Variants in ARFGEF3 observed in about 807,000 individuals in gnomAD.
ARFGEF3 encodes the protein ARFGEF family member 3.
A neutral mutation model predicts 221.7 loss-of-function variants in ARFGEF3; 96 were observed. That is an observed-to-expected ratio of 0.43 (90% CI 0.37 to 0.51). ARFGEF3 has a LOEUF of 0.51. Among genes scored for constraint, ARFGEF3 ranks in the 20% least tolerant of loss-of-function variants. The probability of loss-of-function intolerance (pLI) is 0.00; values close to 1 mark genes in which losing one functional copy is unlikely to be tolerated. For synonymous variants in ARFGEF3, 1,145 were observed against 1,126.8 expected (o/e 1.02, Z -0.32); for missense variants, 2,410 against 2,789.9 (o/e 0.86, Z 3.07).
chr6:138,166,460 A>G (rs1049528873), intron 1 of ARFGEF3, among the ~76,000 whole-genome samples: 1 of 152,172 alleles, frequency 6.6e-6, no homozygotes, highest in Non-Finnish European at 1.5e-5. Flanking sequence ...CTACTTTGTC[A>G]TGACACTTCT....
chr6:138,258,200 A>T (rs1205436707), intron 10 of ARFGEF3, among the ~76,000 whole-genome samples: 4 of 152,136 alleles, frequency 2.6e-5, no homozygotes, highest in Non-Finnish European at 4.4e-5. Flanking sequence ...CCTTCATCCC[A>T]TGTGACTGAT....
At chr6:138,309,434 A>T (rs1470295492) in intron 24 of ARFGEF3, among the ~76,000 whole-genome samples, 1 of 152,206 alleles carries the variant, frequency 6.6e-6, no homozygotes, top group Non-Finnish European at 1.5e-5. Context: ...CTTAGAAAAT[A>T]TATTTTATAA....
At chr6:138,303,881 AAAAAAAAG>A (rs1187492670) in intron 22 of ARFGEF3, among the ~76,000 whole-genome samples, 3 of 148,816 alleles carry the variant, frequency 2.0e-5, no homozygotes, top group East Asian at 1.9e-4. Context: ...AAAAAAAAAA[AAAAAAAAG>A]ATAATAGCAA....
intron 4 of ARFGEF3, among the ~76,000 whole-genome samples, chr6:138,221,699 C>T (rs1304997245): frequency 6.6e-6 from 1 of 152,102 alleles, no homozygotes; most frequent in East Asian, 1.9e-4. Context: ...ATCACTGTTA[C>T]AGTATTTCCT....
At position 138,289,867 on chromosome 6, in the gene ARFGEF3, G is replaced by A. The variant is rs1041912606; in HGVS notation, c.2946G>A (p.Gly982=). The stretch of plus-strand genomic sequence containing the variant: ...TGGAGCAGATTGGGAAGGTGCAGGG[G>A]GTGTGGCTGCACACTGCCCACGTCT... ...QKLEQIGKVQ[G]VWLHTAHVLC... The change falls in exon 18 of 34, where the codon GGG becomes GGA. Residue 982 remains glycine, a synonymous_variant. Coordinates refer to ENST00000251691, the MANE Select transcript of ARFGEF3 (RefSeq NM_020340.5). 6 of 1,613,770 alleles carry A rather than the reference G, an allele frequency of 3.7e-6. No homozygotes were observed. Among genetic ancestry groups the A allele is most frequent in the Non-Finnish European group, 4.2e-6 (5 of 1,179,772 alleles).
intron 2 of ARFGEF3, among the ~76,000 whole-genome samples, chr6:138,176,992 T>C (rs958190798): frequency 1.3e-5 from 2 of 152,066 alleles, no homozygotes; most frequent in South Asian, 4.1e-4. Context: ...GTTAGTCTAA[T>C]GGGGTTTTCT....
intron 29 of ARFGEF3, 107 bp from the exon 30 acceptor site, chr6:138,323,564 T>C: frequency 2.1e-6 from 2 of 934,910 alleles, no homozygotes; most frequent in Non-Finnish European, 3.3e-6. Flanking sequence ...TGAGCCAAGA[T>C]CATGCCAGTG....
chr6:138,229,123 A>C (rs1240174119), intron 4 of ARFGEF3, among the ~76,000 whole-genome samples: 3 of 152,256 alleles, frequency 2.0e-5, no homozygotes, highest in Non-Finnish European at 4.4e-5. Flanking sequence ...ACACCATGTA[A>C]CATTCTGGAG....
intron 2 of ARFGEF3, among the ~76,000 whole-genome samples, chr6:138,188,114 C>T (rs754513335): frequency 7.2e-5 from 11 of 152,144 alleles, no homozygotes; most frequent in Non-Finnish European, 1.3e-4. Flanking sequence ...CTTTATCAGC[C>T]TCCAGGATCC....
chr6:138,298,207 CCTCA>C (rs1473151530), intron 21 of ARFGEF3, among the ~76,000 whole-genome samples: 1 of 152,118 alleles, frequency 6.6e-6, no homozygotes, highest in African/African-American at 2.4e-5. Flanking sequence ...TTGTCCCTCA[CCTCA>C]CTGAGGGACA....
chr6:138,298,926 G>A lies in ARFGEF3; in HGVS notation c.3828+141G>A, dbSNP rs577174960. 27 of 691,070 alleles carry A rather than the reference G, an allele frequency of 3.9e-5. No individual in the cohort carries two copies. The Middle Eastern group carries it at 1.7e-3, about 43-fold the overall frequency. 42.8% of individuals were successfully genotyped at this position (691,070 alleles called of 1,614,324 possible). A position where few individuals can be genotyped will look rare whatever the true frequency, so the allele number is the denominator to read the frequency against. The stretch of plus-strand genomic sequence containing the variant: ...ACGGAGAAGTTAAGCAGGGCTGGGC[G>A]TGGTGGCTCACACCTGTAATCCCAG... On this transcript the variant is annotated intron_variant, in intron 22 of 33. Transcript: ENST00000251691.
rs572276589 is a variant in ARFGEF3, at chr6:138,182,820, GA to G, written c.137+12108del. 2.1e-4 allele frequency among the ~76,000 whole-genome samples: 32 copies of G among 152,280 alleles called. No individual in the cohort carries two copies. The East Asian group carries it at 5.0e-3, about 24-fold the overall frequency. On this transcript the variant is annotated intron_variant, in intron 2 of 33. Transcript: ENST00000251691. ...GTGAGCAAAACTGAAGAATTACTGA[GA>G]GAAGATTTAGGATAGGGCTCATTTT...
intron 8 of ARFGEF3, among the ~76,000 whole-genome samples, chr6:138,253,530 C>G (rs1236161783): frequency 6.6e-6 from 1 of 152,272 alleles, no homozygotes; most frequent in South Asian, 2.1e-4. Context: ...GTCTTCTCCC[C>G]GTGTCTCTTC....
Position 138,263,183 on chromosome 6 carries a change from A to G in ARFGEF3, c.1700A>G (p.His567Arg). 5 of 1,614,048 alleles carry G rather than the reference A, an allele frequency of 3.1e-6. No homozygotes were observed. Among genetic ancestry groups the G allele is most frequent in the Non-Finnish European group, 4.2e-6 (5 of 1,179,904 alleles). Reference sequence around the variant, plus strand: ...CAGCCAGATGTCGTGCAGAGAAGCCACACGGTCCCTTACCCTGACATAACT... The same window carrying G: ...CAGCCAGATGTCGTGCAGAGAAGCCGCACGGTCCCTTACCCTGACATAACT... ...VDQPDVVQRS[H>R]TVPYPDITNF... Residue 567 changes from histidine (H) to arginine (R), a missense_variant, in exon 12 of 34, where the codon CAC becomes CGC. Physicochemically the swap from His to Arg is conservative, Grantham distance 29. Around this residue, in one of 5 missense-constraint regions of ARFGEF3, gnomAD observed 594 missense variants for 734.3 expected, o/e 0.81. Coordinates refer to ENST00000251691, the MANE Select transcript of ARFGEF3 (RefSeq NM_020340.5).
intron 21 of ARFGEF3, among the ~76,000 whole-genome samples, 176 bp from the exon 22 acceptor site, chr6:138,298,430 T>A (rs1483585174): frequency 6.6e-6 from 1 of 152,232 alleles, no homozygotes; most frequent in African/African-American, 2.4e-5. Flanking sequence ...GCTGGTTGAA[T>A]TGTTAAAAAT....
intron 2 of ARFGEF3, among the ~76,000 whole-genome samples, chr6:138,174,196 G>A (rs574765193): frequency 1.3e-5 from 2 of 152,084 alleles, no homozygotes; most frequent in South Asian, 2.1e-4. Flanking sequence ...CACAATAGTG[G>A]GGAACTTCTC....
chr6:138,300,927 A>C (rs1583056935), intron 22 of ARFGEF3, among the ~76,000 whole-genome samples: 1 of 152,248 alleles, frequency 6.6e-6, no homozygotes, highest in East Asian at 1.9e-4. Context: ...TCATTCTATT[A>C]ATAATCTTCA....
At chr6:138,238,394 C>T (rs1385507538) in intron 5 of ARFGEF3, 115 bp from the exon 6 acceptor site, 7 of 1,093,556 alleles carry the variant, frequency 6.4e-6, no homozygotes, top group Non-Finnish European at 9.1e-6. Context: ...AGTCCTAAAT[C>T]AGGCTGACTT....
intron 22 of ARFGEF3, among the ~76,000 whole-genome samples, chr6:138,306,953 T>TAAAAAAAAAAAAAAAAAAA (rs71773390): frequency 8.8e-6 from 1 of 113,718 alleles, no homozygotes; most frequent in Non-Finnish European, 1.9e-5. Context: ...TAAGGAACTC[T>TAAAAAAAAAAAAAAAAAAA]AAAAAAAAAA....
Sources: allele counts gnomAD v4.1 joint callset (sites outside exome capture counted in the v4.1 genomes callset), GRCh38; gene constraint gnomAD v4.1.1; regional missense constraint gnomAD v4.1.1; transcripts MANE v1.5; gene names NCBI Gene and HGNC (gene_info 2026-07-23, HGNC 2026-07-21).